MIER3: variants seen among roughly 807,000 people sequenced by gnomAD.
MIER3 encodes the protein mesoderm induction early response protein 3.
Under a neutral mutation model 63.2 loss-of-function variants are expected in MIER3, and 9 were observed. The ratio of observed to expected loss-of-function variants is 0.14; its 90% CI spans 0.09 to 0.25. The LOEUF (loss-of-function observed/expected upper bound fraction) is 0.25. Among genes scored for constraint, MIER3 ranks in the 10% least tolerant of loss-of-function variants. MIER3 has a pLI of 1.00. For synonymous variants in MIER3, 205 were observed against 224.9 expected, an observed-to-expected ratio of 0.91 and a Z score of 0.79; for missense variants, 512 against 666.2, an observed-to-expected ratio of 0.77 and a Z score of 2.55.
At chr5:56,948,472 T>G (rs919773905) in intron 2 of MIER3, among the ~76,000 whole-genome samples, 5 of 152,120 alleles carry the variant, frequency 3.3e-5, no homozygotes, top group African/African-American at 1.2e-4. Flanking sequence ...CAGACCAGCC[T>G]GGTCAACATA....
At chr5:56,924,771 A>G (rs1749878042) in intron 10 of MIER3, among the ~76,000 whole-genome samples, 1 of 152,150 alleles carries the variant, frequency 6.6e-6, no homozygotes, top group Admixed American at 6.5e-5. Context: ...GTATGAACAA[A>G]ATTCTTCATC....
At chr5:56,926,530 A>AT (rs1023495753) in intron 10 of MIER3, among the ~76,000 whole-genome samples, 1 of 152,146 alleles carries the variant, frequency 6.6e-6, no homozygotes, top group Non-Finnish European at 1.5e-5. Flanking sequence ...AATTAAAACA[A>AT]AAAAGAGATG....
rs1749602773 is a variant in MIER3, at chr5:56,920,187, T to G, written c.*2941A>C. On this transcript the variant is annotated 3_prime_UTR_variant, in exon 13 of 13. Coordinates refer to ENST00000381199, the MANE Select transcript of MIER3 (RefSeq NM_001297599.2). ...TTTGATCTAATTGTACAAATTTTAG[T>G]ATTTTTTAAACAGTATTCTACATCC... is the stretch of plus-strand genomic sequence containing the variant. The G allele has an allele frequency of 6.6e-6, 1 of 152,588 alleles. No homozygotes were observed. 9.5% of individuals were successfully genotyped at this position (152,588 alleles called of 1,614,324 possible).
intron 3 of MIER3, among the ~76,000 whole-genome samples, chr5:56,943,950 G>C (rs571126757): frequency 1.3e-5 from 2 of 152,264 alleles, no homozygotes; most frequent in South Asian, 4.1e-4. Flanking sequence ...TGTTCTGTAA[G>C]TCAAAGGATT....
rs115327683 is a variant in MIER3 at position 56,935,782 on chromosome 5, C to T, written c.437-31G>A. The T allele has an allele frequency of 2.1e-3, 3,249 of 1,560,142 alleles. 53 individuals carry two copies. In the African/African-American group the frequency reaches 0.038, roughly 18 times the overall value. Reference sequence around the variant, plus strand: ...AAGACAAAAATTAAAAAGGTTTTTACTGCCTATTTTTGCAGAACCTGGAAG... The same window carrying T: ...AAGACAAAAATTAAAAAGGTTTTTATTGCCTATTTTTGCAGAACCTGGAAG... On this transcript the variant is annotated intron_variant, in intron 5 of 12. Coordinates refer to ENST00000381199, the MANE Select transcript of MIER3 (RefSeq NM_001297599.2).
intron 10 of MIER3, chr5:56,928,561 T>C: frequency 2.6e-6 from 1 of 385,324 alleles, no homozygotes. Flanking sequence ...CAACTGTTTA[T>C]GTGAAAAGAT....
In MIER3 at chr5:56,937,790, A is replaced by G. The variant is rs563517536; in HGVS notation, c.316-92T>C. ...TTTTTATAACATATCATTAAGAAGCAGTTGGAACCTTATGAGAGAAATATG... is the reference window on the plus strand; with the variant it reads ...TTTTTATAACATATCATTAAGAAGCGGTTGGAACCTTATGAGAGAAATATG... On this transcript the variant is annotated intron_variant, in intron 4 of 12. Coordinates refer to ENST00000381199, the MANE Select transcript of MIER3 (RefSeq NM_001297599.2). The G allele has an allele frequency of 1.5e-3, 1,635 of 1,113,098 alleles. 2 individuals carry two copies. The highest frequency in any genetic ancestry group is 1.8e-3 in the Non-Finnish European group (1,483 of 833,682). 69.0% of individuals were successfully genotyped at this position (1,113,098 alleles called of 1,614,324 possible). A position where few individuals can be genotyped will look rare whatever the true frequency, so the allele number is the denominator to read the frequency against.
At chr5:56,939,901 A>T (rs190759113) in intron 3 of MIER3, among the ~76,000 whole-genome samples, 1 of 152,366 alleles carries the variant, frequency 6.6e-6, no homozygotes, top group Admixed American at 6.5e-5. Context: ...AGTAGGCTAC[A>T]TTAACTACTT....
chr5:56,950,078 A>G (rs1750965450), intron 2 of MIER3, among the ~76,000 whole-genome samples: 1 of 152,252 alleles, frequency 6.6e-6, no homozygotes, highest in African/African-American at 2.4e-5. Flanking sequence ...AGATCGTCTC[A>G]GCTCAGAAGT....
chr5:56,935,864 C>G, intron 5 of MIER3, 113 bp from the exon 6 acceptor site: 1 of 717,426 alleles, frequency 1.4e-6, no homozygotes, highest in Non-Finnish European at 2.4e-6. Flanking sequence ...CATAAGTATA[C>G]TAAACCACCT....
At chr5:56,930,585 C>T (rs1414450016) in intron 9 of MIER3, 79 bp downstream of exon 9, 1 of 1,190,118 alleles carries the variant, frequency 8.4e-7, no homozygotes, top group East Asian at 2.3e-5. Context: ...TTGCTCTGTC[C>T]CTTAGGATAC....
intron 10 of MIER3, among the ~76,000 whole-genome samples, chr5:56,926,921 CACAA>C (rs745603110): frequency 2.0e-5 from 3 of 151,980 alleles, no homozygotes; most frequent in Non-Finnish European, 4.4e-5. Flanking sequence ...TCAAAACAAA[CACAA>C]ACAAACAAAA....
intron 5 of MIER3, among the ~76,000 whole-genome samples, chr5:56,936,655 T>C (rs1461822385): frequency 6.6e-6 from 1 of 152,078 alleles, no homozygotes; most frequent in Non-Finnish European, 1.5e-5. Flanking sequence ...GGACTACATG[T>C]GCATGCCACT....
chr5:56,941,870 A>G lies in MIER3; in HGVS notation c.181-2853T>C, dbSNP rs183958689. On this transcript the variant is annotated intron_variant, in intron 3 of 12. Coordinates refer to ENST00000381199, the MANE Select transcript of MIER3 (RefSeq NM_001297599.2). ...ACAAGAGGAGAGAAGTGAAGAGAAG[A>G]GACATATTCTGAGGTGGAACCAAAT... 9.8e-5 allele frequency among the ~76,000 whole-genome samples: 15 copies of G among 152,300 alleles called. 1 individual carries two copies. In the East Asian group the frequency reaches 1.5e-3, roughly 16 times the overall value.
Position 56,924,051 on chromosome 5 carries a change from A to G in MIER3, c.925-9T>C. On this transcript the variant is annotated splice_polypyrimidine_tract_variant and intron_variant, in intron 10 of 12. Transcript: ENST00000381199. ...ACTGTCCTAGTTCTCACCTAATGAAAAAGTTGAATTTTTAAAAAACCAACA... is the reference window on the plus strand; with the variant it reads ...ACTGTCCTAGTTCTCACCTAATGAAGAAGTTGAATTTTTAAAAAACCAACA... 2 of 1,587,496 alleles carry G rather than the reference A, an allele frequency of 1.3e-6. No homozygotes were observed. The highest frequency in any genetic ancestry group is 1.2e-5 in the South Asian group (1 of 85,986).
intron 4 of MIER3, among the ~76,000 whole-genome samples, 157 bp from the exon 5 acceptor site, chr5:56,937,855 A>G (rs1561240477): frequency 6.9e-6 from 1 of 145,798 alleles, no homozygotes; most frequent in Non-Finnish European, 1.6e-5. Context: ...TAAATATTTA[A>G]TATTATATAT....
rs758171510 is a variant in MIER3, at chr5:56,938,872, C to A, written c.315+11G>T. 65 of 1,607,662 alleles carry A rather than the reference C, an allele frequency of 4.0e-5. 1 individual carries two copies. The South Asian group carries it at 6.6e-4, about 16-fold the overall frequency. ...AGACCCTGAATTTTTCTTTCAAATG[C>A]TCACACTTACTTTGTCTAGTGTCAT... On this transcript the variant is annotated intron_variant, in intron 4 of 12. Coordinates refer to ENST00000381199, the MANE Select transcript of MIER3 (RefSeq NM_001297599.2).
In MIER3 at chr5:56,933,236, C is replaced by A; in HGVS notation, c.747+11G>T. 6.4e-7 allele frequency: 1 copy of A among 1,568,726 alleles called. No individual in the cohort carries two copies. The highest frequency in any genetic ancestry group is 8.6e-7 in the Non-Finnish European group (1 of 1,159,100). On this transcript the variant is annotated intron_variant, in intron 8 of 12. Transcript: ENST00000381199. ...AAACTGGCTGCTGTTTCAACAGAAG[C>A]TGAAGTATACCTGTTCATTGTCCCT...
chr5:56,933,455 C>G (rs1219411006), intron 7 of MIER3, 57 bp from the exon 8 acceptor site: 1 of 1,486,050 alleles, frequency 6.7e-7, no homozygotes, highest in Admixed American at 2.2e-5. Flanking sequence ...CAAAGATGTA[C>G]ACAAACAATT....
Sources: allele counts gnomAD v4.1 joint callset (sites outside exome capture counted in the v4.1 genomes callset), GRCh38; gene constraint gnomAD v4.1.1; transcripts MANE v1.5; gene names NCBI Gene and HGNC (gene_info 2026-07-23, HGNC 2026-07-21).